NEK11: variants seen among roughly 807,000 people sequenced by gnomAD.
NEK11 encodes the protein serine/threonine-protein kinase Nek11.
In NEK11, 72 loss-of-function variants were observed where a neutral mutation model predicts 80.7. The observed-to-expected ratio is 0.89, with a 90% CI of 0.74 to 1.08. The LOEUF (loss-of-function observed/expected upper bound fraction) is 1.08, where lower values mean the gene tolerates loss of function less well. Among genes scored for constraint, NEK11 ranks in the 50% least tolerant of loss-of-function variants. The pLI, the probability that NEK11 is intolerant of heterozygous loss-of-function variation, is 0.00. For missense variants in NEK11, 764 were observed against 763.6 expected (o/e 1.00, Z -0.01); for synonymous variants, 251 against 260.7 (o/e 0.96, Z 0.36).
chr3:131,099,005 T>G (rs1578234876), intron 4 of NEK11, among the ~76,000 whole-genome samples: 2 of 152,320 alleles, frequency 1.3e-5, no homozygotes, highest in Non-Finnish European at 2.9e-5. Flanking sequence ...TGTTTTGTTT[T>G]AGTTGCAACT....
At chr3:131,252,964 A>AT (rs932459216) in intron 16 of NEK11, among the ~76,000 whole-genome samples, 2 of 152,056 alleles carry the variant, frequency 1.3e-5, no homozygotes, top group Non-Finnish European at 2.9e-5. Flanking sequence ...TTCTTCCTAG[A>AT]TTTTTTTCCT....
rs957731477 is a variant in NEK11, at chr3:131,069,978, A to T, written c.171-10445A>T. On this transcript the variant is annotated intron_variant, in intron 3 of 17. Coordinates refer to ENST00000383366, the MANE Select transcript of NEK11 (RefSeq NM_024800.5). ...TGTACCCTAAAACTTAAAGTATAAT[A>T]AAAAAAAAATACAAACCTGGAATGA... is the stretch of plus-strand genomic sequence containing the variant. Among the ~76,000 whole-genome samples the T allele has an allele frequency of 2.6e-5, 3 of 113,870 alleles. No homozygotes were observed. The South Asian group carries it at 9.2e-4, about 35-fold the overall frequency. The allele number at this position is 113,870 out of a possible 152,430, so 74.7% of individuals were successfully genotyped here. A position where few individuals can be genotyped will look rare whatever the true frequency, so the allele number is the denominator to read the frequency against.
At chr3:131,197,954 T>C (rs1829064) in intron 14 of NEK11, among the ~76,000 whole-genome samples, 14,131 of 152,186 alleles carry the variant, frequency 0.093, 1,266 homozygotes, top group East Asian at 0.48. Flanking sequence ...TCTTCAGGTT[T>C]CTGTACAGCC....
chr3:131,064,355 C>T (rs569520745), intron 3 of NEK11, among the ~76,000 whole-genome samples: 1 of 152,234 alleles, frequency 6.6e-6, no homozygotes, highest in South Asian at 2.1e-4. Flanking sequence ...TGAGGCTGCT[C>T]TCCTTGGCTT....
At chr3:131,177,134 G>A (rs1392594761) in intron 14 of NEK11, among the ~76,000 whole-genome samples, 1 of 152,132 alleles carries the variant, frequency 6.6e-6, no homozygotes, top group Admixed American at 6.5e-5. Flanking sequence ...AGGTTTCACA[G>A]TTGTGCTCCA....
intron 16 of NEK11, among the ~76,000 whole-genome samples, chr3:131,260,639 C>T (rs2095900121): frequency 6.6e-6 from 1 of 152,118 alleles, no homozygotes; most frequent in Non-Finnish European, 1.5e-5. Context: ...CGCCCCTTTA[C>T]AGATAAAGGT....
intron 17 of NEK11, among the ~76,000 whole-genome samples, chr3:131,310,012 A>C (rs1256397218): frequency 6.1e-5 from 9 of 147,040 alleles, no homozygotes; most frequent in Admixed American, 6.1e-4. Flanking sequence ...AAAAAAAAAA[A>C]AAAAAAAAAA....
intron 3 of NEK11, among the ~76,000 whole-genome samples, chr3:131,032,054 C>T (rs1323084919): frequency 1.3e-5 from 2 of 151,932 alleles, no homozygotes; most frequent in African/African-American, 4.8e-5. Context: ...CTCCACCTCC[C>T]AGGTTCAAGT....
At chr3:131,242,390 T>C (rs1202764558) in intron 15 of NEK11, among the ~76,000 whole-genome samples, 1 of 152,120 alleles carries the variant, frequency 6.6e-6, no homozygotes, top group Admixed American at 6.5e-5. Flanking sequence ...TGAAGGCTGG[T>C]GACACTGTAA....
chr3:131,211,622 G>A (rs1037131447), intron 14 of NEK11, among the ~76,000 whole-genome samples: 2 of 152,024 alleles, frequency 1.3e-5, no homozygotes, highest in South Asian at 2.1e-4. Context: ...ACATAGATTT[G>A]GTCTTTTCAC....
At chr3:131,217,452 C>T (rs539746160) in intron 14 of NEK11, among the ~76,000 whole-genome samples, 1 of 152,214 alleles carries the variant, frequency 6.6e-6, no homozygotes, top group South Asian at 2.1e-4. Flanking sequence ...AAGTGTTTTC[C>T]TCTAGCTATG....
chr3:131,065,126 T>C (rs2071667623), intron 3 of NEK11, among the ~76,000 whole-genome samples: 1 of 152,206 alleles, frequency 6.6e-6, no homozygotes, highest in Non-Finnish European at 1.5e-5. Flanking sequence ...AAAGATTACA[T>C]TAACAATGAG....
chr3:131,119,791 AC>A (rs1381438202), intron 5 of NEK11, among the ~76,000 whole-genome samples: 2 of 150,726 alleles, frequency 1.3e-5, no homozygotes, highest in Non-Finnish European at 3.0e-5. Context: ...TAGGATTGCA[AC>A]CCCTGCTTTT....
At chr3:131,342,538 T>C (rs2097301619) in intron 17 of NEK11, among the ~76,000 whole-genome samples, 2 of 148,018 alleles carry the variant, frequency 1.4e-5, no homozygotes, top group Admixed American at 1.3e-4. Context: ...GTGTCACTAG[T>C]CTCCTGGTGT....
chr3:131,189,224 G>T (rs955929223), intron 14 of NEK11, among the ~76,000 whole-genome samples: 1 of 152,140 alleles, frequency 6.6e-6, no homozygotes, highest in Non-Finnish European at 1.5e-5. Flanking sequence ...AATTGTGAGA[G>T]AATAAATTTC....
intron 14 of NEK11, among the ~76,000 whole-genome samples, chr3:131,206,017 A>G (rs1028067856): frequency 1.3e-5 from 2 of 152,218 alleles, no homozygotes; most frequent in Non-Finnish European, 2.9e-5. Flanking sequence ...AAGGAAAATG[A>G]TTTTAATGAA....
intron 16 of NEK11, among the ~76,000 whole-genome samples, chr3:131,250,920 G>T (rs1306604692): frequency 6.6e-6 from 1 of 152,036 alleles, no homozygotes; most frequent in Non-Finnish European, 1.5e-5. Context: ...AAAAGAAAAT[G>T]TAATCTGCAC....
chr3:131,230,320 A>G (rs1013046383), intron 15 of NEK11, among the ~76,000 whole-genome samples: 4 of 152,174 alleles, frequency 2.6e-5, no homozygotes, highest in Non-Finnish European at 4.4e-5. Context: ...GATTGCTTGC[A>G]TGTCTTTATA....
intron 3 of NEK11, among the ~76,000 whole-genome samples, chr3:131,050,587 C>A (rs139346605): frequency 6.6e-6 from 1 of 152,122 alleles, no homozygotes; most frequent in Non-Finnish European, 1.5e-5. Flanking sequence ...AATGCAGGAA[C>A]CTTTAGTACA....
Sources: gnomAD v4.1 joint callset for allele counts (sites outside exome capture counted in the v4.1 genomes callset) on GRCh38, gnomAD v4.1.1 for gene constraint, MANE v1.5 for transcripts, NCBI Gene and HGNC (gene_info 2026-07-23, HGNC 2026-07-21) for gene names.